PYGO1: variants seen among roughly 807,000 people sequenced by gnomAD.
PYGO1 encodes pygopus homolog 1.
PYGO1 carries 6 observed loss-of-function variants against 29.5 expected under a neutral mutation model. The observed-to-expected ratio is 0.20, with a 90% CI of 0.11 to 0.40. The LOEUF (loss-of-function observed/expected upper bound fraction) is 0.40, where lower values mean the gene tolerates loss of function less well. Ranked by LOEUF, PYGO1 falls within the 10% of genes least tolerant of loss-of-function variation. PYGO1 has a pLI of 1.00. For synonymous variants in PYGO1, 186 were observed against 180.5 expected (o/e 1.03, Z -0.24); for missense variants, 515 against 514.9 (o/e 1.00, Z 0.00).
In PYGO1 at chr15:55,539,317, T is replaced by C. The variant is rs2058819438; in HGVS notation, c.*6706A>G. 1.3e-5 allele frequency: 2 copies of C among 152,154 alleles called. No homozygotes were observed. Among genetic ancestry groups the C allele is most frequent in the South Asian group, 4.1e-4 (2 of 4,834 alleles). 9.4% of individuals were successfully genotyped at this position (152,154 alleles called of 1,614,324 possible). On this transcript the variant is annotated 3_prime_UTR_variant, in exon 3 of 3. Coordinates refer to ENST00000563719, the MANE Select transcript of PYGO1 (RefSeq NM_001367806.1). The stretch of plus-strand genomic sequence containing the variant: ...GTAGTTACTATGAAGTAATTCAGAA[T>C]TGAGAATGTATTTAACACTTGGAAG...
intron 1 of PYGO1, among the ~76,000 whole-genome samples, chr15:55,563,761 G>A (rs1251387613): frequency 2.6e-5 from 4 of 152,116 alleles, no homozygotes; most frequent in Non-Finnish European, 5.9e-5. Flanking sequence ...CAAAGGTTTT[G>A]AACAGACATT....
intron 1 of PYGO1, among the ~76,000 whole-genome samples, chr15:55,584,738 T>C (rs1354471716): frequency 6.6e-6 from 1 of 152,196 alleles, no homozygotes; most frequent in Non-Finnish European, 1.5e-5. Flanking sequence ...TGTCTTATAA[T>C]CAAAAGGTGA....
rs1217097893 is a variant in PYGO1 at position 55,544,150 on chromosome 15, C to A, written c.*1873G>T. 2.0e-5 allele frequency: 3 copies of A among 151,998 alleles called. No homozygotes were observed. Among genetic ancestry groups the A allele is most frequent in the African/African-American group, 7.3e-5 (3 of 41,374 alleles). The allele number at this position is 151,998 out of a possible 1,614,324, so 9.4% of individuals were successfully genotyped here. A position where few individuals can be genotyped will look rare whatever the true frequency, so the allele number is the denominator to read the frequency against. ...ACTAGTCAAGGGTAAATGGAGAAAA[C>A]CTTGTATTACCTTGTACCATATGAA... is the stretch of plus-strand genomic sequence containing the variant. On this transcript the variant is annotated 3_prime_UTR_variant, in exon 3 of 3. Coordinates refer to ENST00000563719, the MANE Select transcript of PYGO1 (RefSeq NM_001367806.1).
intron 2 of PYGO1, 112 bp downstream of exon 2, chr15:55,548,798 A>G (rs2058865257): frequency 3.2e-6 from 2 of 624,500 alleles, no homozygotes; most frequent in Admixed American, 3.3e-5. Context: ...TGAATGATTA[A>G]AAGTACAATC....
Position 55,546,682 on chromosome 15 carries a change from C to T in PYGO1, c.601G>A (p.Ala201Thr). ...TTATTTCCAGGAACAAAATTAGATG[C>T]CAAATCGGGGTTAGAAACTTGGCTA... The part of the protein sequence containing the change: ...NASQVSNPDL[A>T]SNFVPGNNSN... Residue 201 changes from alanine to threonine, a missense_variant, in exon 3 of 3, where the codon GCA (alanine) becomes ACA (threonine). By Grantham distance (58) the Ala-to-Thr change is moderately conservative (BLOSUM62 0). Coordinates refer to ENST00000563719, the MANE Select transcript of PYGO1 (RefSeq NM_001367806.1). The T allele has an allele frequency of 6.2e-7, 1 of 1,613,864 alleles. No individual in the cohort carries two copies.
rs2058831970 is a variant in PYGO1 at position 55,542,506 on chromosome 15, G to A, written c.*3517C>T. ...TCTAATTCTAAGCACTCTGTCTGAAGAACAATTTATCTTTCACAAGCTGAG... is the reference window on the plus strand; with the variant it reads ...TCTAATTCTAAGCACTCTGTCTGAAAAACAATTTATCTTTCACAAGCTGAG... On this transcript the variant is annotated 3_prime_UTR_variant, in exon 3 of 3. Transcript: ENST00000563719. The A allele has an allele frequency of 6.6e-6, 1 of 152,160 alleles. No homozygotes were observed. The highest frequency in any genetic ancestry group is 2.1e-4 in the South Asian group (1 of 4,834). The allele number at this position is 152,160 out of a possible 1,614,324, so 9.4% of individuals were successfully genotyped here.
intron 1 of PYGO1, among the ~76,000 whole-genome samples, chr15:55,579,977 C>T (rs2059019108): frequency 6.6e-6 from 1 of 152,176 alleles, no homozygotes; most frequent in African/African-American, 2.4e-5. Flanking sequence ...AACAAATCTT[C>T]ACATTCCCAC....
chr15:55,550,202 T>A (rs1392387702), intron 1 of PYGO1, among the ~76,000 whole-genome samples: 1 of 152,212 alleles, frequency 6.6e-6, no homozygotes, highest in Non-Finnish European at 1.5e-5. Flanking sequence ...TCCTGTTTTT[T>A]CCTTGCAAAG....
At chr15:55,565,252 G>A (rs1259208180) in intron 1 of PYGO1, among the ~76,000 whole-genome samples, 4 of 151,914 alleles carry the variant, frequency 2.6e-5, no homozygotes, top group African/African-American at 9.7e-5. Flanking sequence ...ACATCTTGGT[G>A]GTCATCTTAG....
At chr15:55,582,735 G>C (rs2059030380) in intron 1 of PYGO1, among the ~76,000 whole-genome samples, 1 of 152,076 alleles carries the variant, frequency 6.6e-6, no homozygotes, top group African/African-American at 2.4e-5. Flanking sequence ...CATTCAATGT[G>C]TCTAAAACCA....
rs1025744769 is a variant in PYGO1 at position 55,539,376 on chromosome 15, T to C, written c.*6647A>G. The C allele has an allele frequency of 6.6e-6, 1 of 152,078 alleles. No homozygotes were observed. The highest frequency in any genetic ancestry group is 2.4e-5 in the African/African-American group (1 of 41,426). 9.4% of individuals were successfully genotyped at this position (152,078 alleles called of 1,614,324 possible). The stretch of plus-strand genomic sequence containing the variant: ...GAGTCAAACTTTCCATTATCTACTA[T>C]ATTCAATCAGTTATCAAGCCAATTT... On this transcript the variant is annotated 3_prime_UTR_variant, in exon 3 of 3. Transcript: ENST00000563719.
chr15:55,555,187 G>A (rs1471623326), intron 1 of PYGO1, among the ~76,000 whole-genome samples: 3 of 152,088 alleles, frequency 2.0e-5, no homozygotes, highest in South Asian at 4.1e-4. Context: ...CATGCCACAA[G>A]GGATTGAGGA....
Position 55,541,672 on chromosome 15 carries a change from A to G in PYGO1, c.*4351T>C, listed in dbSNP as rs776936064. 1 of 152,206 alleles carries G rather than the reference A, an allele frequency of 6.6e-6. No individual in the cohort carries two copies. The highest frequency in any genetic ancestry group is 2.4e-5 in the African/African-American group (1 of 41,452). 9.4% of individuals were successfully genotyped at this position (152,206 alleles called of 1,614,324 possible). Reference sequence around the variant, plus strand: ...AAGACACAGGATTTCTGATGGGAGGAAAGATATAAAATGTTGAAGCACAGA... The same window carrying G: ...AAGACACAGGATTTCTGATGGGAGGGAAGATATAAAATGTTGAAGCACAGA... On this transcript the variant is annotated 3_prime_UTR_variant, in exon 3 of 3. Coordinates refer to ENST00000563719, the MANE Select transcript of PYGO1 (RefSeq NM_001367806.1).
chr15:55,585,479 T>A (rs2059042666), intron 1 of PYGO1, among the ~76,000 whole-genome samples: 1 of 152,190 alleles, frequency 6.6e-6, no homozygotes, highest in South Asian at 2.1e-4. Context: ...AATCATAAAA[T>A]ATTCCAAAAA....
chr15:55,550,674 C>T (rs930995620), intron 1 of PYGO1, among the ~76,000 whole-genome samples: 3 of 152,030 alleles, frequency 2.0e-5, no homozygotes, highest in African/African-American at 7.2e-5. Flanking sequence ...TCACTTTTTG[C>T]TTTTTTGGTT....
At position 55,546,899 on chromosome 15, in the gene PYGO1, T is replaced by A; in HGVS notation, c.384A>T (p.Pro128=). The part of the protein sequence containing the change: ...YCGPYSLRNQ[P]HPFPQNPLGM... ...CCAGAGGATTCTGAGGAAATGGGTG[T>A]GGCTGGTTCCTGAGTGAGTAAGGAC... The change falls in exon 3 of 3, where the codon CCA becomes CCT. Residue 128 remains proline, a synonymous_variant. Coordinates refer to ENST00000563719, the MANE Select transcript of PYGO1 (RefSeq NM_001367806.1). The A allele has an allele frequency of 1.9e-6, 3 of 1,614,138 alleles. No individual in the cohort carries two copies. Among genetic ancestry groups the A allele is most frequent in the Non-Finnish European group, 2.5e-6 (3 of 1,180,028 alleles).
chr15:55,584,694 G>C (rs1331403952), intron 1 of PYGO1, among the ~76,000 whole-genome samples: 1 of 152,162 alleles, frequency 6.6e-6, no homozygotes, highest in African/African-American at 2.4e-5. Flanking sequence ...AGGCAAATAA[G>C]ATAATCAAGA....
chr15:55,549,937 A>G (rs1852067445), intron 1 of PYGO1, among the ~76,000 whole-genome samples: 3 of 152,176 alleles, frequency 2.0e-5, no homozygotes, highest in African/African-American at 7.2e-5. Flanking sequence ...CTCTCCATCC[A>G]GTACTACTTT....
Position 55,546,180 on chromosome 15 carries a change from T to C in PYGO1, c.1103A>G (p.His368Arg). 2 of 1,614,214 alleles carry C rather than the reference T, an allele frequency of 1.2e-6. No individual in the cohort carries two copies. Among genetic ancestry groups the C allele is most frequent in the Non-Finnish European group, 1.7e-6 (2 of 1,180,036 alleles). ...LCEASCQKWF[H>R]RICTGMTETA... ...TTCAGTCATTCCAGTACAGATCCGATGAAACCATTTCTGACAAGAGGCCTC... is the reference window on the plus strand; with the variant it reads ...TTCAGTCATTCCAGTACAGATCCGACGAAACCATTTCTGACAAGAGGCCTC... Residue 368 changes from histidine to arginine, a missense_variant, in exon 3 of 3, where the codon CAT (histidine) becomes CGT (arginine). His to Arg is a conservative substitution (Grantham distance 29, BLOSUM62 0). Coordinates refer to ENST00000563719, the MANE Select transcript of PYGO1 (RefSeq NM_001367806.1).
Sources: gnomAD v4.1 joint callset for allele counts (sites outside exome capture counted in the v4.1 genomes callset) on GRCh38, gnomAD v4.1.1 for gene constraint, MANE v1.5 for transcripts, NCBI Gene and HGNC (gene_info 2026-07-23, HGNC 2026-07-21) for gene names.